PCDHGB5: variants seen among roughly 807,000 people sequenced by gnomAD.
The protein encoded by PCDHGB5 is protocadherin gamma-B5.
In PCDHGB5, 48 loss-of-function variants were observed where a neutral mutation model predicts 62.9. The observed-to-expected ratio is 0.76, with a 90% CI of 0.61 to 0.97. PCDHGB5 has a LOEUF of 0.97. PCDHGB5 is among the 50% of genes least tolerant of loss of function. PCDHGB5 has a pLI of 0.00. For missense variants in PCDHGB5, 1,118 were observed against 1,198.6 expected (o/e 0.93, Z 0.99); for synonymous variants, 474 against 511.2 (o/e 0.93, Z 0.98).
At chr5:141,454,267 A>G (rs1270638226) in intron 1 of PCDHGB5, among the ~76,000 whole-genome samples, 1 of 152,254 alleles carries the variant, frequency 6.6e-6, no homozygotes, top group Non-Finnish European at 1.5e-5. Context: ...AAGTAATGCC[A>G]GCAAAAACTT....
At chr5:141,463,741 C>T (rs1011021860) in intron 1 of PCDHGB5, among the ~76,000 whole-genome samples, 3 of 152,034 alleles carry the variant, frequency 2.0e-5, no homozygotes, top group Admixed American at 1.3e-4. Context: ...CCACCGCGCC[C>T]GGCCTGCTTC....
chr5:141,405,522 C>T (rs542329840), intron 1 of PCDHGB5: 28 of 682,252 alleles, frequency 4.1e-5, no homozygotes, highest in Admixed American at 8.3e-5. Flanking sequence ...CAAATTCAAG[C>T]GATTCTCCTG....
intron 1 of PCDHGB5, chr5:141,415,974 CAA>C (rs1192315813): frequency 2.7e-6 from 1 of 375,644 alleles, no homozygotes; most frequent in Non-Finnish European, 4.4e-6. Context: ...GCCCCTTAAG[CAA>C]CCCTCTTGTT....
chr5:141,500,182 A>ATTTT lies in PCDHGB5; in HGVS notation c.2457-5209_2457-5206dup, dbSNP rs1199992745. Among the ~76,000 whole-genome samples the ATTTT allele has an allele frequency of 1.7e-3, 223 of 131,716 alleles. 2 individuals are homozygous for ATTTT. Among genetic ancestry groups the ATTTT allele is most frequent in the African/African-American group, 6.2e-3 (201 of 32,350 alleles). The allele number at this position is 131,716 out of a possible 152,430, so 86.4% of individuals were successfully genotyped here. On this transcript the variant is annotated intron_variant, in intron 2 of 3. Transcript: ENST00000617380. ...AAGAACATGCATGAGCTTCATTTTT[A>ATTTT]TTTTTATTTATTTATTTATTTATTT...
At position 141,431,998 on chromosome 5, in the gene PCDHGB5, A is replaced by G. The variant is rs201105272; in HGVS notation, c.2397+31474A>G. The G allele has an allele frequency of 1.2e-6, 2 of 1,614,176 alleles. No homozygotes were observed. Among genetic ancestry groups the G allele is most frequent in the Admixed American group, 1.7e-5 (1 of 60,030 alleles). On this transcript the variant is annotated intron_variant, in intron 1 of 3. Coordinates refer to ENST00000617380, the MANE Select transcript of PCDHGB5 (RefSeq NM_018925.3). This position sits in a 1 kb window ranked among gnomAD's most constrained non-coding sequence, Gnocchi z 4.8. The stretch of plus-strand genomic sequence containing the variant: ...TCACAGACATAGTCTTGGATAGGGA[A>G]CAGGTTCCTAGCTACAACATCACAG...
chr5:141,507,846 T>G (rs892503210), intron 3 of PCDHGB5, among the ~76,000 whole-genome samples: 1 of 152,134 alleles, frequency 6.6e-6, no homozygotes, highest in African/African-American at 2.4e-5. Context: ...CAGGCCCTGC[T>G]CTCACTTTCA....
intron 2 of PCDHGB5, among the ~76,000 whole-genome samples, chr5:141,502,832 G>T (rs1266910323): frequency 6.6e-6 from 1 of 150,516 alleles, no homozygotes; most frequent in Non-Finnish European, 1.5e-5. Context: ...GGGGAAGCCT[G>T]GACTGGCTGA....
intron 2 of PCDHGB5, among the ~76,000 whole-genome samples, chr5:141,503,365 G>A (rs2099819492): frequency 6.6e-6 from 1 of 152,020 alleles, no homozygotes; most frequent in East Asian, 1.9e-4. Flanking sequence ...GGGAAGCGGA[G>A]GCAGGTGGAT....
intron 1 of PCDHGB5, among the ~76,000 whole-genome samples, chr5:141,447,644 G>A (rs1212910845): frequency 1.3e-5 from 2 of 152,146 alleles, no homozygotes; most frequent in Admixed American, 1.3e-4. Context: ...AATGATGGTA[G>A]AATTTTCCCC....
chr5:141,431,476 A>G lies in PCDHGB5; in HGVS notation c.2397+30952A>G, dbSNP rs975772031. 1.9e-6 allele frequency: 3 copies of G among 1,613,864 alleles called. No homozygotes were observed. Among genetic ancestry groups the G allele is most frequent in the Admixed American group, 3.3e-5 (2 of 60,032 alleles). ...TGGTTCTGGATGCGAACGACAACGC[A>G]CCAGCGTTTGCTCAGCCCGAGTACC... On this transcript the variant is annotated intron_variant, in intron 1 of 3. Coordinates refer to ENST00000617380, the MANE Select transcript of PCDHGB5 (RefSeq NM_018925.3). This position sits in a 1 kb window ranked among gnomAD's most constrained non-coding sequence, Gnocchi z 4.8.
intron 1 of PCDHGB5, chr5:141,417,858 C>T (rs561149517): frequency 6.5e-7 from 1 of 1,547,240 alleles, no homozygotes. Flanking sequence ...CCCGAGCGAA[C>T]GATGGGAGGG....
At chr5:141,505,780 G>A (rs1595982811) in intron 3 of PCDHGB5, among the ~76,000 whole-genome samples, 1 of 139,456 alleles carries the variant, frequency 7.2e-6, no homozygotes, top group Non-Finnish European at 1.6e-5. Flanking sequence ...TCCTAGCTCT[G>A]CTACTATCCT....
intron 1 of PCDHGB5, among the ~76,000 whole-genome samples, chr5:141,494,034 A>T (rs1206242414): frequency 1.3e-5 from 2 of 152,162 alleles, no homozygotes; most frequent in Non-Finnish European, 2.9e-5. Flanking sequence ...CTGGAGACTT[A>T]GTTGGCCCTG....
In PCDHGB5 at chr5:141,432,571, G is replaced by A. The variant is rs776214748; in HGVS notation, c.2397+32047G>A. On this transcript the variant is annotated intron_variant, in intron 1 of 3. Coordinates refer to ENST00000617380, the MANE Select transcript of PCDHGB5 (RefSeq NM_018925.3). The surrounding 1 kb of genome is among the most constrained non-coding windows in gnomAD (Gnocchi z 6.0). ...GAGACTCCGGCCAGAACGCCTGGCT[G>A]TCCTACCGTCTGCTCAAGGCCAGCG... is the stretch of plus-strand genomic sequence containing the variant. 1.2e-6 allele frequency: 2 copies of A among 1,613,954 alleles called. No homozygotes were observed. Among genetic ancestry groups the A allele is most frequent in the South Asian group, 1.1e-5 (1 of 91,068 alleles).
intron 2 of PCDHGB5, among the ~76,000 whole-genome samples, chr5:141,501,301 ACAC>A (rs1380901086): frequency 6.6e-6 from 1 of 150,882 alleles, no homozygotes; most frequent in African/African-American, 2.4e-5. Context: ...ACACACACAC[ACAC>A]ACACACACAC....
In PCDHGB5 at chr5:141,431,570, G is replaced by A. The variant is rs754760314; in HGVS notation, c.2397+31046G>A. 7 of 1,614,172 alleles carry A rather than the reference G, an allele frequency of 4.3e-6. No individual in the cohort carries two copies. Among genetic ancestry groups the A allele is most frequent in the Non-Finnish European group, 5.9e-6 (7 of 1,180,024 alleles). ...TGTAGTCAACGCTACCGACCCTGAC[G>A]AAGGAGTCAATGCGGAAGTGAGGTA... On this transcript the variant is annotated intron_variant, in intron 1 of 3. Transcript: ENST00000617380. The surrounding 1 kb of genome is among the most constrained non-coding windows in gnomAD (Gnocchi z 4.8).
Position 141,485,831 on chromosome 5 carries a change from C to T in PCDHGB5, c.2398-8976C>T. 1 of 1,614,080 alleles carries T rather than the reference C, an allele frequency of 6.2e-7. No individual in the cohort carries two copies. The highest frequency in any genetic ancestry group is 8.5e-7 in the Non-Finnish European group (1 of 1,180,026). ...GCTGACTGCTGTCGATGGAGGGAAC[C>T]CGCCGAGATCTGGCACCGCAGAGCT... On this transcript the variant is annotated intron_variant, in intron 1 of 3. Coordinates refer to ENST00000617380, the MANE Select transcript of PCDHGB5 (RefSeq NM_018925.3). This position sits in a 1 kb window ranked among gnomAD's most constrained non-coding sequence, Gnocchi z 5.7.
Position 141,399,643 on chromosome 5 carries a change from C to T in PCDHGB5, c.1516C>T (p.Gln506Ter). The change falls in exon 1 of 4, where the codon CAA (glutamine) becomes TAA (stop). Residue 506 changes from glutamine to a stop codon, truncating the protein, a stop_gained. Transcript: ENST00000617380. LOFTEE classifies it high-confidence loss of function. ...GGCCTCTTACGTGTCCATGAGCGCG[C>T]AAAGTGGGGTGGTGTTCGCGCAGCG... ...ALASYVSMSA[Q>*]SGVVFAQRAF... is the part of the protein sequence containing the mutation. 1 of 1,613,832 alleles carries T rather than the reference C, an allele frequency of 6.2e-7. No individual in the cohort carries two copies. Among genetic ancestry groups the T allele is most frequent in the Non-Finnish European group, 8.5e-7 (1 of 1,179,882 alleles).
chr5:141,419,285 G>A, intron 1 of PCDHGB5: 2 of 1,614,028 alleles, frequency 1.2e-6, no homozygotes, highest in East Asian at 4.5e-5. Context: ...GCAAGTCAGT[G>A]CCTCTGACCC....
Sources: allele counts gnomAD v4.1 joint callset (sites outside exome capture counted in the v4.1 genomes callset), GRCh38; gene constraint gnomAD v4.1.1; non-coding constraint Gnocchi (gnomAD v3.1); transcripts MANE v1.5; gene names NCBI Gene and HGNC (gene_info 2026-07-23, HGNC 2026-07-21).